JAZF1: variants seen among roughly 807,000 people sequenced by gnomAD.
JAZF1 encodes JAZF zinc finger 1, also known as juxtaposed with another zinc finger protein 1.
In JAZF1, 8 loss-of-function variants were observed where a neutral mutation model predicts 26.4. The observed-to-expected ratio is 0.30, with a 90% confidence interval of 0.18 to 0.55. The LOEUF (loss-of-function observed/expected upper bound fraction) is 0.55. Ranked by LOEUF, JAZF1 falls within the 20% of genes least tolerant of loss-of-function variation. JAZF1 has a pLI of 0.94. For missense variants in JAZF1, 199 were observed against 322.0 expected, an observed-to-expected ratio of 0.62 and a Z score of 2.92; for synonymous variants, 126 against 122.3, an observed-to-expected ratio of 1.03 and a Z score of -0.20.
At chr7:28,177,074 G>C (rs1783560526) in intron 1 of JAZF1, among the ~76,000 whole-genome samples, 1 of 152,136 alleles carries the variant, frequency 6.6e-6, no homozygotes, top group South Asian at 2.1e-4. Flanking sequence ...AAAATTGATG[G>C]AAAAGCACTT....
intron 2 of JAZF1, among the ~76,000 whole-genome samples, chr7:27,901,916 G>A (rs1784166672): frequency 6.6e-6 from 1 of 152,130 alleles, no homozygotes; most frequent in African/African-American, 2.4e-5. Context: ...ACTTTGTTTT[G>A]ACTTCAACCC....
chr7:27,958,011 T>C (rs1785127622), intron 2 of JAZF1, among the ~76,000 whole-genome samples: 1 of 152,172 alleles, frequency 6.6e-6, no homozygotes, highest in African/African-American at 2.4e-5. Context: ...AGTGGTCTAA[T>C]AGATCAGGAG....
chr7:28,174,706 T>C (rs1367687676), intron 1 of JAZF1, among the ~76,000 whole-genome samples: 2 of 126,656 alleles, frequency 1.6e-5, no homozygotes, highest in African/African-American at 5.0e-5. Context: ...TAAAGGATGA[T>C]CTGACTGTTT....
Position 27,859,661 on chromosome 7 carries a change from T to C in JAZF1, c.386-18794A>G, listed in dbSNP as rs1282035599. On this transcript the variant is annotated intron_variant, in intron 3 of 4. Transcript: ENST00000283928. ...ACATGTTCTCACTCATAAGTGGGAG[T>C]TGAACAATGAGAACACATGGACACA... 3.3e-5 allele frequency among the ~76,000 whole-genome samples: 5 copies of C among 150,586 alleles called. No homozygotes were observed. In the East Asian group the frequency reaches 5.9e-4, roughly 18 times the overall value.
chr7:28,077,620 T>A (rs909180280), intron 1 of JAZF1, among the ~76,000 whole-genome samples: 1 of 152,162 alleles, frequency 6.6e-6, no homozygotes, highest in African/African-American at 2.4e-5. Flanking sequence ...ATTTGGTATA[T>A]AAGTCCTCCA....
intron 1 of JAZF1, among the ~76,000 whole-genome samples, chr7:28,049,525 T>A (rs961875787): frequency 1.3e-5 from 2 of 152,304 alleles, no homozygotes; most frequent in Non-Finnish European, 2.9e-5. Flanking sequence ...AATTCAATTA[T>A]GACACTAATC....
intron 2 of JAZF1, among the ~76,000 whole-genome samples, chr7:27,898,260 A>G (rs980723881): frequency 6.9e-6 from 1 of 145,594 alleles, no homozygotes; most frequent in Non-Finnish European, 1.5e-5. Context: ...AGAGGCAGAG[A>G]GAGAAAGGCT....
At chr7:28,069,400 A>G (rs1783935128) in intron 1 of JAZF1, among the ~76,000 whole-genome samples, 1 of 152,222 alleles carries the variant, frequency 6.6e-6, no homozygotes, top group Non-Finnish European at 1.5e-5. Flanking sequence ...AGGTGACATG[A>G]CAAATGGCAG....
intron 1 of JAZF1, among the ~76,000 whole-genome samples, chr7:28,130,313 G>A (rs991632725): frequency 1.3e-5 from 2 of 152,098 alleles, no homozygotes; most frequent in African/African-American, 4.8e-5. Context: ...AAACAAAACT[G>A]AGGACCCTCC....
At chr7:28,102,481 T>C (rs1297210022) in intron 1 of JAZF1, among the ~76,000 whole-genome samples, 2 of 152,190 alleles carry the variant, frequency 1.3e-5, no homozygotes, top group African/African-American at 4.8e-5. Context: ...CACCATGACC[T>C]TGCAAACCAT....
chr7:28,012,692 C>A (rs997401390), intron 1 of JAZF1, among the ~76,000 whole-genome samples: 2 of 152,266 alleles, frequency 1.3e-5, no homozygotes, highest in East Asian at 3.9e-4. Context: ...GGTATGTCAG[C>A]CACTTTGGGT....
intron 2 of JAZF1, among the ~76,000 whole-genome samples, chr7:27,937,730 A>T (rs1187455942): frequency 6.6e-6 from 1 of 152,252 alleles, no homozygotes; most frequent in Non-Finnish European, 1.5e-5. Flanking sequence ...CCATTAGGAA[A>T]TCTTATACCT....
At chr7:28,159,787 T>A (rs549708034) in intron 1 of JAZF1, among the ~76,000 whole-genome samples, 1 of 152,266 alleles carries the variant, frequency 6.6e-6, no homozygotes, top group East Asian at 1.9e-4. Flanking sequence ...GGTGTACACA[T>A]AGCCTATTAT....
chr7:28,077,988 T>C lies in JAZF1; in HGVS notation c.116-86007A>G, dbSNP rs193133870. ...CTCAAAATAACTGAGACTGCAATGA[T>C]GGCTGTGCATGGTGGCACTTATGAG... On this transcript the variant is annotated intron_variant, in intron 1 of 4. Coordinates refer to ENST00000283928, the MANE Select transcript of JAZF1 (RefSeq NM_175061.4). Among the ~76,000 whole-genome samples the C allele has an allele frequency of 1.4e-4, 22 of 152,350 alleles. No individual in the cohort carries two copies. In the East Asian group the frequency reaches 3.9e-3, roughly 27 times the overall value.
At position 27,853,047 on chromosome 7, in the gene JAZF1, T is replaced by G. The variant is rs1454412084; in HGVS notation, c.386-12180A>C. ...TGAACCACAGGAGTGCCCTGTCCTGTCCCTCCCTGCGGTGACGCCTTCCCA... is the reference window on the plus strand; with the variant it reads ...TGAACCACAGGAGTGCCCTGTCCTGGCCCTCCCTGCGGTGACGCCTTCCCA... On this transcript the variant is annotated intron_variant, in intron 3 of 4. Transcript: ENST00000283928. 3.3e-5 allele frequency among the ~76,000 whole-genome samples: 5 copies of G among 152,174 alleles called. No homozygotes were observed. The East Asian group carries it at 9.6e-4, about 29-fold the overall frequency.
chr7:28,108,036 TG>T (rs1331720180), intron 1 of JAZF1, among the ~76,000 whole-genome samples: 1 of 152,106 alleles, frequency 6.6e-6, no homozygotes, highest in East Asian at 1.9e-4. Flanking sequence ...TGATCAGACC[TG>T]GGGGGTGGGA....
At chr7:28,090,103 T>C (rs1292466340) in intron 1 of JAZF1, among the ~76,000 whole-genome samples, 1 of 152,206 alleles carries the variant, frequency 6.6e-6, no homozygotes, top group African/African-American at 2.4e-5. Flanking sequence ...AATCCCAATA[T>C]CCACTGTAGA....
At chr7:28,041,766 C>CT (rs1428368921) in intron 1 of JAZF1, among the ~76,000 whole-genome samples, 1 of 152,206 alleles carries the variant, frequency 6.6e-6, no homozygotes, top group Admixed American at 6.5e-5. Flanking sequence ...ACGCAGCTGT[C>CT]TGAGATACTC....
rs201145397 is a variant in JAZF1 at position 28,133,055 on chromosome 7, T to TC, written c.115+47407dup. Among the ~76,000 whole-genome samples the TC allele has an allele frequency of 3.5e-3, 540 of 152,298 alleles. 6 individuals carry two copies. The highest frequency in any genetic ancestry group is 0.013 in the African/African-American group (522 of 41,572). ...GGCAAGCAAACAAGGCTGGCTCACC[T>TC]CTTCCCAAAAAAGATCACCCTCCAA... On this transcript the variant is annotated intron_variant, in intron 1 of 4. Transcript: ENST00000283928.
Sources: gnomAD v4.1 joint callset for allele counts (sites outside exome capture counted in the v4.1 genomes callset) on GRCh38, gnomAD v4.1.1 for gene constraint, MANE v1.5 for transcripts, NCBI Gene and HGNC (gene_info 2026-07-23, HGNC 2026-07-21) for gene names.